HOXD3: variants seen among roughly 807,000 people sequenced by gnomAD.
HOXD3 encodes the protein homeobox protein Hox-D3.
A neutral mutation model predicts 32.8 loss-of-function variants in HOXD3; 13 were observed. That is an observed-to-expected ratio of 0.40 (90% CI 0.26 to 0.63). The LOEUF (loss-of-function observed/expected upper bound fraction) is 0.63, where lower values mean the gene tolerates loss of function less well. Among genes scored for constraint, HOXD3 ranks in the 20% least tolerant of loss-of-function variants. The pLI is 0.44. For missense variants in HOXD3, 504 were observed against 577.1 expected (o/e 0.87, Z 1.30); for synonymous variants, 241 against 246.8 (o/e 0.98, Z 0.22).
intron 1 of HOXD3, among the ~76,000 whole-genome samples, chr2:176,158,568 G>A (rs998245983): frequency 1.3e-5 from 2 of 152,046 alleles, no homozygotes; most frequent in African/African-American, 4.8e-5. Context: ...TGGTTGTTTT[G>A]GGATTATGTG....
chr2:176,170,058 A>G (rs1691121791), intron 3 of HOXD3, among the ~76,000 whole-genome samples: 1 of 152,242 alleles, frequency 6.6e-6, no homozygotes. Context: ...TAAACTCATA[A>G]AAACTAAAGT....
chr2:176,152,786 C>A, upstream of HOXD3: 1 of 1,614,206 alleles, frequency 6.2e-7, no homozygotes. The surrounding 1 kb of genome is among the most constrained non-coding windows in gnomAD (Gnocchi z 5.2). Flanking sequence ...GGTTCCAGAA[C>A]CGGAGGATGA....
At chr2:176,167,563 T>A (rs1691013019) in intron 2 of HOXD3, among the ~76,000 whole-genome samples, 1 of 152,180 alleles carries the variant, frequency 6.6e-6, no homozygotes, top group Non-Finnish European at 1.5e-5. Context: ...TTTTCTACAT[T>A]GTAGATTTTA....
At chr2:176,163,660 C>T (rs1338128132) in intron 1 of HOXD3, among the ~76,000 whole-genome samples, 1 of 152,196 alleles carries the variant, frequency 6.6e-6, no homozygotes, top group African/African-American at 2.4e-5. Context: ...TGCAGCCTCC[C>T]CTGCCAAACC....
chr2:176,159,407 C>T (rs1433265948), intron 1 of HOXD3, among the ~76,000 whole-genome samples: 1 of 152,216 alleles, frequency 6.6e-6, no homozygotes, highest in East Asian at 1.9e-4. Flanking sequence ...CTTACCCACT[C>T]CTCTGGGGCT....
chr2:176,157,574 G>T (rs1268116968), intron 1 of HOXD3, among the ~76,000 whole-genome samples, 122 bp downstream of exon 1: 2 of 152,226 alleles, frequency 1.3e-5, no homozygotes, highest in Non-Finnish European at 2.9e-5. Context: ...GCGAGAAGTT[G>T]TTAGTGGCTT....
chr2:176,167,585 C>G (rs1320588470), intron 2 of HOXD3, among the ~76,000 whole-genome samples: 1 of 151,756 alleles, frequency 6.6e-6, no homozygotes, highest in Non-Finnish European at 1.5e-5. Context: ...ACTGCTGATT[C>G]ATAGAGCTTA....
intron 1 of HOXD3, among the ~76,000 whole-genome samples, chr2:176,163,684 T>C (rs943428666): frequency 6.6e-6 from 1 of 152,166 alleles, no homozygotes; most frequent in Non-Finnish European, 1.5e-5. Flanking sequence ...ACCTTAATTC[T>C]GCACGGTCTC....
At chr2:176,166,373 T>C (rs1423022787) in intron 2 of HOXD3, among the ~76,000 whole-genome samples, 3 of 152,194 alleles carry the variant, frequency 2.0e-5, no homozygotes, top group Non-Finnish European at 4.4e-5. Context: ...GGAGGGTGAA[T>C]GTTTTGCTTC....
upstream of HOXD3, chr2:176,152,821 C>G (rs535692165): frequency 6.2e-7 from 1 of 1,614,192 alleles, no homozygotes; most frequent in African/African-American, 1.3e-5. The surrounding 1 kb of genome is among the most constrained non-coding windows in gnomAD (Gnocchi z 5.2). Flanking sequence ...CATAAGCTGC[C>G]CAACACTAAA....
At chr2:176,165,098 TC>T (rs1559139218) in intron 2 of HOXD3, 1 of 152,252 alleles carries the variant, frequency 6.6e-6, no homozygotes, top group Non-Finnish European at 1.5e-5. Context: ...AGTAGGGAAT[TC>T]TTTTGCTGCG....
rs760834566 is a variant in HOXD3, at chr2:176,172,151, C to T, written c.1176C>T (p.Ala392=). ...CGGCCAGCGTGGACTACAGTTGCGC[C>T]GCGCAGATTCCAGGCAACCACCACC... ...PSSASVDYSC[A]AQIPGNHHHG... is the part of the protein sequence containing the mutation. Residue 392 remains alanine (A), a synonymous_variant, in exon 4 of 4, where the codon GCC becomes GCT. Coordinates refer to ENST00000683222, the MANE Select transcript of HOXD3 (RefSeq NM_006898.5). 1.2e-6 allele frequency: 2 copies of T among 1,613,214 alleles called. No individual in the cohort carries two copies. The highest frequency in any genetic ancestry group is 1.7e-6 in the Non-Finnish European group (2 of 1,179,998).
In HOXD3 at chr2:176,172,163, A is replaced by G. The variant is rs764327900; in HGVS notation, c.1188A>G (p.Pro396=). ...SVDYSCAAQI[P]GNHHHGPCDP... ...ACTACAGTTGCGCCGCGCAGATTCC[A>G]GGCAACCACCACCATGGACCTTGCG... The change falls in exon 4 of 4, where the codon CCA becomes CCG. Residue 396 remains proline (P), a synonymous_variant. Transcript: ENST00000683222. 1 of 1,613,142 alleles carries G rather than the reference A, an allele frequency of 6.2e-7. No individual in the cohort carries two copies. The highest frequency in any genetic ancestry group is 1.1e-5 in the South Asian group (1 of 91,082).
At chr2:176,158,448 G>T (rs1559136547) in intron 1 of HOXD3, among the ~76,000 whole-genome samples, 1 of 152,182 alleles carries the variant, frequency 6.6e-6, no homozygotes, top group East Asian at 1.9e-4. Flanking sequence ...CTTCCAGCTT[G>T]CAGCTCCGAC....
At chr2:176,160,339 C>T (rs184213190) in intron 1 of HOXD3, among the ~76,000 whole-genome samples, 1 of 152,336 alleles carries the variant, frequency 6.6e-6, no homozygotes, top group East Asian at 1.9e-4. Flanking sequence ...GGCGGAAGGC[C>T]CAGCCAGGGT....
Position 176,171,649 on chromosome 2 carries a change from T to C in HOXD3, c.674T>C (p.Val225Ala), listed in dbSNP as rs762054414. Reference sequence around the variant, plus strand: ...CGCTACTTGTGCCGGCCGCGCCGCGTGGAGATGGCCAACCTGCTGAATCTC... The same window carrying C: ...CGCTACTTGTGCCGGCCGCGCCGCGCGGAGATGGCCAACCTGCTGAATCTC... The part of the protein sequence containing the change: ...FNRYLCRPRR[V>A]EMANLLNLTE... Residue 225 changes from valine (V) to alanine (A), a missense_variant, in exon 4 of 4, where the codon GTG becomes GCG. Around this residue, in one of 3 missense-constraint regions of HOXD3, gnomAD observed 97 missense variants for 158.0 expected, o/e 0.61. Transcript: ENST00000683222. 47 of 1,614,154 alleles carry C rather than the reference T, an allele frequency of 2.9e-5. No homozygotes were observed. Among genetic ancestry groups the C allele is most frequent in the Non-Finnish European group, 3.8e-5 (45 of 1,180,018 alleles).
chr2:176,152,649 A>T, upstream of HOXD3: 1 of 1,614,158 alleles, frequency 6.2e-7, no homozygotes, highest in Non-Finnish European at 8.5e-7. The surrounding 1 kb of genome is among the most constrained non-coding windows in gnomAD (Gnocchi z 5.2). Flanking sequence ...GCGGTCCCGA[A>T]CGGCCTACAC....
intron 2 of HOXD3, among the ~76,000 whole-genome samples, chr2:176,167,510 G>C (rs1268890554): frequency 6.6e-6 from 1 of 152,224 alleles, no homozygotes; most frequent in East Asian, 1.9e-4. Context: ...CTCAAAATGA[G>C]TCTGGAAGTC....
At position 176,171,385 on chromosome 2, in the gene HOXD3, C is replaced by T. The variant is rs542691479; in HGVS notation, c.542-132C>T. On this transcript the variant is annotated intron_variant, in intron 3 of 3. Transcript: ENST00000683222. ...CTTGGAATCATACCTCTCAAACGGCCCTTCCCCTCCCCAGCCAGGATTGGA... is the reference window on the plus strand; with the variant it reads ...CTTGGAATCATACCTCTCAAACGGCTCTTCCCCTCCCCAGCCAGGATTGGA... The T allele has an allele frequency of 8.3e-6, 7 of 847,052 alleles. No homozygotes were observed. In the East Asian group the frequency reaches 1.9e-4, roughly 23 times the overall value. The allele number at this position is 847,052 out of a possible 1,614,324, so 52.5% of individuals were successfully genotyped here.
Sources: allele counts gnomAD v4.1 joint callset (sites outside exome capture counted in the v4.1 genomes callset), GRCh38; gene constraint gnomAD v4.1.1; regional missense constraint gnomAD v4.1.1; non-coding constraint Gnocchi (gnomAD v3.1); transcripts MANE v1.5; gene names NCBI Gene and HGNC (gene_info 2026-07-23, HGNC 2026-07-21).